The following GAB2 variants were observed in gnomAD, a reference collection of about 807,000 sequenced individuals.
GAB2 encodes the protein GRB2 associated binding protein 2.
A neutral mutation model predicts 65.5 loss-of-function variants in GAB2; 26 were observed. The observed-to-expected ratio is 0.40, with a 90% CI of 0.29 to 0.55. The LOEUF (loss-of-function observed/expected upper bound fraction) is 0.55. Ranked by LOEUF, GAB2 falls within the 20% of genes least tolerant of loss-of-function variation. The pLI, the probability that GAB2 is intolerant of heterozygous loss-of-function variation, is 0.53. For missense variants in GAB2, 884 were observed against 875.8 expected, an observed-to-expected ratio of 1.01 and a Z score of -0.12; for synonymous variants, 321 against 329.6, an observed-to-expected ratio of 0.97 and a Z score of 0.28.
Position 78,219,237 on chromosome 11 carries a change from G to A in GAB2, c.*35C>T. Reference sequence around the variant, plus strand: ...GGAGATGGGAAGGGCCAGCTCTGGAGATGCTGCCTCCTGGGCTCTGCGGTG... The same window carrying A: ...GGAGATGGGAAGGGCCAGCTCTGGAAATGCTGCCTCCTGGGCTCTGCGGTG... On this transcript the variant is annotated 3_prime_UTR_variant, in exon 10 of 10. Coordinates refer to ENST00000361507, the MANE Select transcript of GAB2 (RefSeq NM_080491.3). 1 of 1,604,334 alleles carries A rather than the reference G, an allele frequency of 6.2e-7. No individual in the cohort carries two copies. Among genetic ancestry groups the A allele is most frequent in the Non-Finnish European group, 8.5e-7 (1 of 1,174,260 alleles).
At chr11:78,343,988 G>T (rs956115596) in intron 1 of GAB2, among the ~76,000 whole-genome samples, 1 of 152,016 alleles carries the variant, frequency 6.6e-6, no homozygotes, top group Admixed American at 6.6e-5. Context: ...GGAGAGTAAC[G>T]GCAGGAAGAG....
At chr11:78,384,166 G>A (rs2134742016) in intron 1 of GAB2, among the ~76,000 whole-genome samples, 1 of 152,314 alleles carries the variant, frequency 6.6e-6, no homozygotes, top group South Asian at 2.1e-4. Flanking sequence ...CACCAGATGG[G>A]TGTGAATGTC....
At chr11:78,358,784 A>C (rs1412454337) in intron 1 of GAB2, among the ~76,000 whole-genome samples, 1 of 152,218 alleles carries the variant, frequency 6.6e-6, no homozygotes, top group Non-Finnish European at 1.5e-5. Flanking sequence ...AGCCAGGAAA[A>C]ACTGATGACA....
chr11:78,270,164 T>A (rs1481892437), intron 2 of GAB2, among the ~76,000 whole-genome samples: 1 of 151,970 alleles, frequency 6.6e-6, no homozygotes, highest in Non-Finnish European at 1.5e-5. Flanking sequence ...CCGTTTCTAC[T>A]AAAAATACAA....
At chr11:78,364,741 A>T (rs1297646120) in intron 1 of GAB2, among the ~76,000 whole-genome samples, 1 of 152,232 alleles carries the variant, frequency 6.6e-6, no homozygotes, top group Non-Finnish European at 1.5e-5. Flanking sequence ...TCAAAAAAGC[A>T]TAAACCAGGG....
In GAB2 at chr11:78,336,301, C is replaced by T. The variant is rs1002419739; in HGVS notation, c.76-55400G>A. Among the ~76,000 whole-genome samples, 18 of 126,794 alleles carry T rather than the reference C, an allele frequency of 1.4e-4. No homozygotes were observed. In the East Asian group the frequency reaches 2.0e-3, roughly 14 times the overall value. 83.2% of individuals were successfully genotyped at this position (126,794 alleles called of 152,430 possible). ...TGCACTCACTGCACTCACTCCAGCC[C>T]GGGCGACAGAGCGAGACTGTCTCTC... On this transcript the variant is annotated intron_variant, in intron 1 of 9. Coordinates refer to ENST00000361507, the MANE Select transcript of GAB2 (RefSeq NM_080491.3).
At chr11:78,276,992 T>C (rs1326610548) in intron 2 of GAB2, among the ~76,000 whole-genome samples, 2 of 152,080 alleles carry the variant, frequency 1.3e-5, no homozygotes, top group African/African-American at 4.8e-5. Context: ...TATTTTTCTG[T>C]ATTTTTAGTA....
chr11:78,315,726 C>T (rs1379975839), intron 1 of GAB2, among the ~76,000 whole-genome samples: 1 of 152,162 alleles, frequency 6.6e-6, no homozygotes. Flanking sequence ...AGTGAAAAGA[C>T]AATCCACTGA....
intron 2 of GAB2, among the ~76,000 whole-genome samples, chr11:78,251,349 C>T (rs777252194): frequency 1.2e-4 from 18 of 152,262 alleles, no homozygotes; most frequent in Non-Finnish European, 2.4e-4. Context: ...CACTGCCTAC[C>T]ACTCCCTGTC....
At chr11:78,295,553 C>G (rs1866801764) in intron 1 of GAB2, among the ~76,000 whole-genome samples, 1 of 152,142 alleles carries the variant, frequency 6.6e-6, no homozygotes, top group South Asian at 2.1e-4. Flanking sequence ...GATCTCATGA[C>G]TTATGGAAAG....
intron 1 of GAB2, among the ~76,000 whole-genome samples, chr11:78,323,061 A>G (rs953339182): frequency 2.6e-5 from 4 of 152,352 alleles, no homozygotes; most frequent in African/African-American, 9.6e-5. Context: ...AAGACAGGGA[A>G]TCAACCTAGG....
intron 1 of GAB2, 96 bp downstream of exon 1, chr11:78,417,550 A>C: frequency 2.6e-6 from 1 of 382,072 alleles, no homozygotes; most frequent in Non-Finnish European, 3.6e-6. Context: ...TCCGGGCCCG[A>C]GCTCCCCAGC....
intron 1 of GAB2, among the ~76,000 whole-genome samples, chr11:78,393,435 GCAAT>G (rs1446694398): frequency 1.3e-5 from 2 of 152,134 alleles, no homozygotes; most frequent in African/African-American, 2.4e-5. Flanking sequence ...AAACTCAGTA[GCAAT>G]CAAAGAAATC....
chr11:78,391,054 T>C (rs545315291), intron 1 of GAB2, among the ~76,000 whole-genome samples: 1 of 152,208 alleles, frequency 6.6e-6, no homozygotes, highest in South Asian at 2.1e-4. Flanking sequence ...AAGGAGACTT[T>C]ATCCTGAAAA....
chr11:78,328,000 G>A (rs1284293435), intron 1 of GAB2, among the ~76,000 whole-genome samples: 3 of 152,132 alleles, frequency 2.0e-5, no homozygotes, highest in African/African-American at 7.2e-5. Context: ...AATTTGTTGT[G>A]GGTGACAGGA....
At chr11:78,260,903 G>A (rs548886644) in intron 2 of GAB2, among the ~76,000 whole-genome samples, 5 of 152,156 alleles carry the variant, frequency 3.3e-5, no homozygotes, top group South Asian at 4.1e-4. Flanking sequence ...TTCTCTAATC[G>A]TGTTTAGCAC....
At chr11:78,220,578 T>C in intron 8 of GAB2, 134 bp from the exon 9 acceptor site, 1 of 643,600 alleles carries the variant, frequency 1.6e-6, no homozygotes, top group Non-Finnish European at 2.5e-6. Context: ...TAAGGACTTT[T>C]CATGTTTTCA....
chr11:78,327,912 A>T (rs1855852094), intron 1 of GAB2, among the ~76,000 whole-genome samples: 2 of 152,186 alleles, frequency 1.3e-5, no homozygotes, highest in African/African-American at 2.4e-5. Context: ...GACCTCTATA[A>T]ACTGGCAAGT....
At chr11:78,245,825 C>G (rs1336241038) in intron 3 of GAB2, among the ~76,000 whole-genome samples, 2 of 152,190 alleles carry the variant, frequency 1.3e-5, no homozygotes, top group East Asian at 3.8e-4. Flanking sequence ...AAAAGCAGAT[C>G]TCTTGGAAAT....
Sources: allele counts gnomAD v4.1 joint callset (sites outside exome capture counted in the v4.1 genomes callset), GRCh38; gene constraint gnomAD v4.1.1; transcripts MANE v1.5; gene names NCBI Gene and HGNC (gene_info 2026-07-23, HGNC 2026-07-21).